COG5: variants seen among roughly 807,000 people sequenced by gnomAD.
COG5 encodes component of oligomeric golgi complex 5.
In COG5, 86 loss-of-function variants were observed where a neutral mutation model predicts 110.4. The ratio of observed to expected loss-of-function variants is 0.78; its 90% CI spans 0.65 to 0.93. The LOEUF (loss-of-function observed/expected upper bound fraction) is 0.93, where lower values mean the gene tolerates loss of function less well. Among genes scored for constraint, COG5 ranks in the 40% least tolerant of loss-of-function variants. The probability of loss-of-function intolerance (pLI) is 0.00; values close to 1 mark genes in which losing one functional copy is unlikely to be tolerated. For missense variants in COG5, 1,077 were observed against 987.0 expected (o/e 1.09, Z -1.22); for synonymous variants, 360 against 334.6 (o/e 1.08, Z -0.83).
chr7:107,563,542 CAT>C (rs1491554998), intron 1 of COG5: 91 of 350,476 alleles, frequency 2.6e-4, no homozygotes, highest in African/African-American at 1.3e-3. Flanking sequence ...AAGCTGGAGG[CAT>C]GGGGGGGGGG....
At chr7:107,551,029 G>A (rs1324435109) in intron 3 of COG5, among the ~76,000 whole-genome samples, 1 of 151,592 alleles carries the variant, frequency 6.6e-6, no homozygotes, top group Non-Finnish European at 1.5e-5. Context: ...ATAAATCAAT[G>A]AGGCTACCTT....
intron 21 of COG5, among the ~76,000 whole-genome samples, chr7:107,207,601 ACT>A (rs1389634546): frequency 6.6e-6 from 1 of 151,886 alleles, no homozygotes; most frequent in African/African-American, 2.4e-5. Flanking sequence ...TCCATCAAAG[ACT>A]CTATCTTTAT....
chr7:107,364,530 T>G (rs1055168383), intron 8 of COG5, among the ~76,000 whole-genome samples: 1 of 152,192 alleles, frequency 6.6e-6, no homozygotes, highest in Non-Finnish European at 1.5e-5. Flanking sequence ...GGAATCTTTA[T>G]GTAAAGGTTT....
intron 6 of COG5, 122 bp from the exon 7 acceptor site, chr7:107,412,754 T>G (rs922337992): frequency 6.2e-6 from 4 of 643,634 alleles, no homozygotes; most frequent in Admixed American, 3.1e-5. Context: ...GGGTTGCCAT[T>G]CAAAATCCGT....
intron 6 of COG5, among the ~76,000 whole-genome samples, chr7:107,515,457 G>A (rs1166808747): frequency 1.3e-5 from 2 of 152,142 alleles, no homozygotes; most frequent in Admixed American, 6.5e-5. Context: ...GGGATTAGTA[G>A]AGAATCGTTC....
intron 14 of COG5, among the ~76,000 whole-genome samples, chr7:107,259,287 T>A (rs1441349403): frequency 6.6e-6 from 1 of 152,194 alleles, no homozygotes; most frequent in East Asian, 1.9e-4. Flanking sequence ...TTGACTTTCC[T>A]CATGGACAAA....
chr7:107,307,645 G>A (rs1807844170), intron 11 of COG5, among the ~76,000 whole-genome samples: 1 of 152,140 alleles, frequency 6.6e-6, no homozygotes, highest in African/African-American at 2.4e-5. Context: ...TATTCTAAGT[G>A]TAGTAACTCA....
chr7:107,504,609 T>C lies in COG5; in HGVS notation c.538+22628A>G, dbSNP rs146001230. ...CTTTGAATATCTGGTAGAATTCAGCTGTGAATCTATCTAGCCCTGGGCTTT... is the reference window on the plus strand; with the variant it reads ...CTTTGAATATCTGGTAGAATTCAGCCGTGAATCTATCTAGCCCTGGGCTTT... On this transcript the variant is annotated intron_variant, in intron 6 of 21. Transcript: ENST00000297135. 3.2e-3 allele frequency among the ~76,000 whole-genome samples: 490 copies of C among 152,328 alleles called. 12 individuals are homozygous for C. The highest frequency in any genetic ancestry group is 0.028 in the Admixed American group (421 of 15,290).
chr7:107,379,724 G>A (rs192949722), intron 7 of COG5, among the ~76,000 whole-genome samples: 3 of 151,992 alleles, frequency 2.0e-5, no homozygotes, highest in South Asian at 2.1e-4. Flanking sequence ...GCAACAAGAC[G>A]AGCTAACTAT....
chr7:107,232,986 G>A (rs1252013223), intron 18 of COG5, among the ~76,000 whole-genome samples: 2 of 152,200 alleles, frequency 1.3e-5, no homozygotes, highest in African/African-American at 4.8e-5. Flanking sequence ...TTGTTCAGGA[G>A]AAGAAAAGGC....
In COG5 at chr7:107,415,872, GTAT is replaced by G. The variant is rs1278751693; in HGVS notation, c.539-3243_539-3241del. On this transcript the variant is annotated intron_variant, in intron 6 of 21. Coordinates refer to ENST00000297135, the MANE Select transcript of COG5 (RefSeq NM_006348.5). ...TATACACACACATACACGTATGTAT[GTAT>G]GTGTGTGTATATACACACACATACA... Among the ~76,000 whole-genome samples, 8 of 67,690 alleles carry G rather than the reference GTAT, an allele frequency of 1.2e-4. 1 individual carries two copies. Among genetic ancestry groups the G allele is most frequent in the Non-Finnish European group, 2.3e-4 (7 of 30,996 alleles). The allele number at this position is 67,690 out of a possible 152,430, so 44.4% of individuals were successfully genotyped here.
At chr7:107,421,692 G>A (rs1793303392) in intron 6 of COG5, among the ~76,000 whole-genome samples, 1 of 151,774 alleles carries the variant, frequency 6.6e-6, no homozygotes, top group Admixed American at 6.6e-5. Context: ...TGGGGGCGGG[G>A]GATGGGGAGG....
At chr7:107,299,842 T>TCC in intron 11 of COG5, among the ~76,000 whole-genome samples, 1 of 142,396 alleles carries the variant, frequency 7.0e-6, no homozygotes. Flanking sequence ...TATATATATA[T>TCC]ATATATATAT....
intron 19 of COG5, among the ~76,000 whole-genome samples, chr7:107,214,496 AT>A (rs112082843): frequency 0.17 from 25,728 of 152,232 alleles, 2,460 homozygotes; most frequent in Non-Finnish European, 0.22. Context: ...AAGGCTGCTA[AT>A]TTAATAAAAT....
At chr7:107,354,161 G>T (rs1812419097) in intron 10 of COG5, among the ~76,000 whole-genome samples, 1 of 152,150 alleles carries the variant, frequency 6.6e-6, no homozygotes, top group Admixed American at 6.5e-5. Flanking sequence ...TTAGTAAAGT[G>T]AGACATATGA....
intron 17 of COG5, among the ~76,000 whole-genome samples, chr7:107,242,551 G>A (rs1266774682): frequency 6.6e-6 from 1 of 152,224 alleles, no homozygotes; most frequent in African/African-American, 2.4e-5. Context: ...TCCAGTGGCA[G>A]CTGAGAGCCT....
At chr7:107,446,396 G>A (rs888453606) in intron 6 of COG5, among the ~76,000 whole-genome samples, 1 of 152,116 alleles carries the variant, frequency 6.6e-6, no homozygotes, top group Non-Finnish European at 1.5e-5. Flanking sequence ...ATACGGAACT[G>A]ACAGTTTGTC....
intron 6 of COG5, among the ~76,000 whole-genome samples, chr7:107,522,543 T>C (rs1215237617): frequency 6.6e-6 from 1 of 152,122 alleles, no homozygotes; most frequent in Non-Finnish European, 1.5e-5. Flanking sequence ...CATGTATAAC[T>C]ATGTAACAAA....
At chr7:107,497,037 C>A (rs1376313718) in intron 6 of COG5, among the ~76,000 whole-genome samples, 1 of 151,906 alleles carries the variant, frequency 6.6e-6, no homozygotes, top group Admixed American at 6.6e-5. Context: ...TAGCGAGACT[C>A]CATCTCTACC....
Sources: allele counts gnomAD v4.1 joint callset (sites outside exome capture counted in the v4.1 genomes callset), GRCh38; gene constraint gnomAD v4.1.1; transcripts MANE v1.5; gene names NCBI Gene and HGNC (gene_info 2026-07-23, HGNC 2026-07-21).